Variants in PHACTR3 observed in about 807,000 individuals in gnomAD.
The protein encoded by PHACTR3 is protein phosphatase 1, regulatory subunit 123.
In PHACTR3, 16 loss-of-function variants were observed where a neutral mutation model predicts 66.8. That is an observed-to-expected ratio of 0.24 (90% confidence interval 0.16 to 0.36). The LOEUF (loss-of-function observed/expected upper bound fraction) is 0.36, where lower values mean the gene tolerates loss of function less well. PHACTR3 is among the 10% of genes least tolerant of loss of function. PHACTR3 has a pLI of 1.00. For synonymous variants in PHACTR3, 323 were observed against 292.1 expected, an observed-to-expected ratio of 1.11 and a Z score of -1.08; for missense variants, 647 against 719.9, an observed-to-expected ratio of 0.90 and a Z score of 1.16.
Position 59,747,854 on chromosome 20 carries a change from T to G in PHACTR3, c.358+19T>G. ...GAGCAGGGTAAGTGGGACCCGTCCC[T>G]GGCTTGGAAGGGCACGGTGCTGGGA... On this transcript the variant is annotated intron_variant, in intron 3 of 12. Transcript: ENST00000371015. 3 of 1,612,382 alleles carry G rather than the reference T, an allele frequency of 1.9e-6. No homozygotes were observed. The highest frequency in any genetic ancestry group is 2.5e-6 in the Non-Finnish European group (3 of 1,178,938).
At chr20:59,815,133 G>C (rs2041847953) in intron 8 of PHACTR3, among the ~76,000 whole-genome samples, 1 of 152,134 alleles carries the variant, frequency 6.6e-6, no homozygotes, top group African/African-American at 2.4e-5. Flanking sequence ...AGTCTTCAAG[G>C]AGCAAAGCCC....
At chr20:59,821,955 CCAGCAATCCTACCCTTTCTG>C (rs2042041084) in intron 8 of PHACTR3, among the ~76,000 whole-genome samples, 2 of 142,844 alleles carry the variant, frequency 1.4e-5, no homozygotes, top group African/African-American at 5.1e-5. Flanking sequence ...TACCCCCTCC[CCAGCAATCCTACCCTTTCTG>C]CAGCGATCCC....
chr20:59,704,838 T>C (rs1351563176), intron 1 of PHACTR3, among the ~76,000 whole-genome samples: 1 of 152,096 alleles, frequency 6.6e-6, no homozygotes, highest in Non-Finnish European at 1.5e-5. Flanking sequence ...GATCAGATTA[T>C]AAAATACAAT....
At chr20:59,841,270 A>G (rs949934204) in intron 10 of PHACTR3, 125 bp from the exon 11 acceptor site, 3 of 936,820 alleles carry the variant, frequency 3.2e-6, no homozygotes, top group African/African-American at 1.7e-5. Flanking sequence ...TATTTGGGTT[A>G]TATTTTCCAG....
upstream of PHACTR3, among the ~76,000 whole-genome samples, chr20:59,600,087 G>A (rs2033430205): frequency 1.3e-5 from 2 of 152,146 alleles, no homozygotes; most frequent in Non-Finnish European, 2.9e-5. Context: ...TCTTTGCAGG[G>A]ACTTCAGGGC....
chr20:59,693,472 T>A (rs1186654494), intron 1 of PHACTR3, among the ~76,000 whole-genome samples: 1 of 152,206 alleles, frequency 6.6e-6, no homozygotes, highest in African/African-American at 2.4e-5. Context: ...CACTGAGCTC[T>A]GAATATGATG....
At chr20:59,771,039 A>C (rs577818564) in intron 5 of PHACTR3, among the ~76,000 whole-genome samples, 1 of 152,218 alleles carries the variant, frequency 6.6e-6, no homozygotes, top group Admixed American at 6.5e-5. Context: ...TCCCCTGCAC[A>C]AGCTGGGTGG....
chr20:59,655,246 T>C (rs912480453), intron 1 of PHACTR3, among the ~76,000 whole-genome samples: 1 of 152,048 alleles, frequency 6.6e-6, no homozygotes, highest in Non-Finnish European at 1.5e-5. Flanking sequence ...TGAAATGGTA[T>C]CTCATTATGG....
In PHACTR3 at chr20:59,803,581, ACTTT is replaced by A. The variant is rs566188146; in HGVS notation, c.1175-2457_1175-2454del. Among the ~76,000 whole-genome samples the A allele has an allele frequency of 4.1e-4, 63 of 152,326 alleles. 1 individual carries two copies. In the South Asian group the frequency reaches 0.012, roughly 29 times the overall value. On this transcript the variant is annotated intron_variant, in intron 7 of 12. Transcript: ENST00000371015. ...ATATATTTTGGCATATAATATGCAT[ACTTT>A]CTGTCATTTGCTTTCCTTAGCAATA... is the stretch of plus-strand genomic sequence containing the variant.
intron 3 of PHACTR3, among the ~76,000 whole-genome samples, chr20:59,753,517 AAAGGTGCAGACC>A (rs1409718029): frequency 6.6e-6 from 1 of 152,166 alleles, no homozygotes; most frequent in East Asian, 1.9e-4. Context: ...AGATGGGCCC[AAAGGTGCAGACC>A]AAGGGGCCAG....
intron 1 of PHACTR3, among the ~76,000 whole-genome samples, chr20:59,667,078 G>C (rs1300285782): frequency 6.6e-6 from 1 of 152,194 alleles, no homozygotes; most frequent in African/African-American, 2.4e-5. Context: ...AGACCACCTG[G>C]AGATCTCAGC....
chr20:59,816,190 A>G (rs1268490125), intron 8 of PHACTR3, among the ~76,000 whole-genome samples: 4 of 151,864 alleles, frequency 2.6e-5, no homozygotes, highest in Non-Finnish European at 2.9e-5. Flanking sequence ...GAAGTGTGCA[A>G]CCCAGATCCC....
intron 8 of PHACTR3, among the ~76,000 whole-genome samples, chr20:59,816,293 C>G (rs766927647): frequency 6.6e-6 from 1 of 152,182 alleles, no homozygotes; most frequent in Non-Finnish European, 1.5e-5. Context: ...CTCGCCACTA[C>G]TCACCTCCTG....
At chr20:59,685,570 G>A (rs544915030) in intron 1 of PHACTR3, among the ~76,000 whole-genome samples, 228 of 152,284 alleles carry the variant, frequency 1.5e-3, no homozygotes, top group African/African-American at 5.3e-3. Context: ...TCACTGCGCC[G>A]TTGCCATTTT....
chr20:59,816,699 A>G (rs1442860587), intron 8 of PHACTR3, among the ~76,000 whole-genome samples: 1 of 152,190 alleles, frequency 6.6e-6, no homozygotes, highest in African/African-American at 2.4e-5. Flanking sequence ...CCAGCTAATT[A>G]CTGTTGAATG....
intron 5 of PHACTR3, among the ~76,000 whole-genome samples, chr20:59,769,499 C>T (rs1323093837): frequency 7.2e-5 from 11 of 152,196 alleles, no homozygotes; most frequent in African/African-American, 1.9e-4. Context: ...AAGGAACCAA[C>T]GCTGCCAGCA....
chr20:59,600,068 G>C (rs2033429816), upstream of PHACTR3, among the ~76,000 whole-genome samples: 1 of 152,160 alleles, frequency 6.6e-6, no homozygotes, highest in Admixed American at 6.5e-5. Flanking sequence ...GCAGATCCTT[G>C]CTCTGGCCTC....
At chr20:59,691,094 G>A (rs752621227) in intron 1 of PHACTR3, among the ~76,000 whole-genome samples, 11 of 152,172 alleles carry the variant, frequency 7.2e-5, no homozygotes, top group Non-Finnish European at 1.5e-4. Context: ...GGATATCTCA[G>A]TGGTCTTTGT....
At chr20:59,660,593 T>C (rs6015543) in intron 1 of PHACTR3, among the ~76,000 whole-genome samples, 10,671 of 152,324 alleles carry the variant, frequency 0.07, 558 homozygotes, top group East Asian at 0.3. Context: ...TATCAGCAAG[T>C]TTCTCCTTCC....
Sources: allele counts gnomAD v4.1 joint callset (sites outside exome capture counted in the v4.1 genomes callset), GRCh38; gene constraint gnomAD v4.1.1; transcripts MANE v1.5; gene names NCBI Gene and HGNC (gene_info 2026-07-23, HGNC 2026-07-21).